Variants in LPAR6 observed in about 807,000 individuals in gnomAD.
The protein encoded by LPAR6 is G-protein coupled purinergic receptor P2Y5.
A neutral mutation model predicts 22.0 loss-of-function variants in LPAR6; 17 were observed. The ratio of observed to expected loss-of-function variants is 0.77; its 90% confidence interval spans 0.53 to 1.16. LPAR6 has a LOEUF of 1.16. Among genes scored for constraint, LPAR6 ranks in the 50% most tolerant of loss-of-function variants. LPAR6 has a pLI of 0.00. For missense variants in LPAR6, 384 were observed against 406.9 expected (o/e 0.94, Z 0.48); for synonymous variants, 136 against 139.8 (o/e 0.97, Z 0.19).
At chr13:48,400,253 T>C (rs1231416099) in intron 1 of LPAR6, among the ~76,000 whole-genome samples, 2 of 152,092 alleles carry the variant, frequency 1.3e-5, no homozygotes, top group African/African-American at 4.8e-5. Context: ...ATAGGTACTG[T>C]TAAAAGTGCT....
Position 48,411,574 on chromosome 13 carries a change from A to G in LPAR6, c.850T>C (p.Cys284Arg). The change falls in exon 1 of 1, where the codon TGT becomes CGT. Residue 284 changes from cysteine (C) to arginine (R), a missense_variant. Coordinates refer to ENST00000620633, the MANE Select transcript of LPAR6 (RefSeq NM_001162498.3). ...TAGTAAACTATAGGGTCAAAACAAC[A>G]GTTGGAAACAGCAATACAGAGAGTG... ...PITLCIAVSN[C>R]CFDPIVYYFT... The G allele has an allele frequency of 6.2e-7, 1 of 1,613,718 alleles. No homozygotes were observed. The highest frequency in any genetic ancestry group is 1.1e-5 in the South Asian group (1 of 91,074).
rs148182323 is a variant in LPAR6, at chr13:48,390,712, C to T, written n.115-900G>A. Among the ~76,000 whole-genome samples, 173 of 152,282 alleles carry T rather than the reference C, an allele frequency of 1.1e-3. 5 individuals carry two copies. The East Asian group carries it at 0.028, about 25-fold the overall frequency. ...CCTCTTTAATCATTATAAAATGACC[C>T]TCTCTTTATCCCTCGTAATATTGTT... On this transcript the variant is annotated intron_variant and non_coding_transcript_variant, in intron 1 of 1. Transcript: ENST00000462781.
downstream of LPAR6, among the ~76,000 whole-genome samples, chr13:48,408,242 T>C (rs1948757172): frequency 6.6e-6 from 1 of 151,928 alleles, no homozygotes; most frequent in Admixed American, 6.6e-5. Flanking sequence ...GTGTCTTCAG[T>C]TTAATTTTCT....
chr13:48,419,413 A>C (rs1438049765), intron 2 of LPAR6, among the ~76,000 whole-genome samples: 2 of 152,244 alleles, frequency 1.3e-5, no homozygotes, highest in Admixed American at 1.3e-4. Flanking sequence ...TTATAGCACT[A>C]AATGCCCACA....
intron 1 of LPAR6, among the ~76,000 whole-genome samples, chr13:48,437,455 C>T (rs1040877477): frequency 1.3e-5 from 2 of 152,144 alleles, no homozygotes; most frequent in Non-Finnish European, 1.5e-5. Context: ...TTCTGAAAGT[C>T]GGGAAACTGG....
chr13:48,429,988 A>G (rs1949113346), upstream of LPAR6, among the ~76,000 whole-genome samples: 1 of 152,176 alleles, frequency 6.6e-6, no homozygotes, highest in East Asian at 1.9e-4. Context: ...TCCAGTAAAA[A>G]TCTCAGTATG....
intron 1 of LPAR6, among the ~76,000 whole-genome samples, chr13:48,443,678 G>A (rs763663790): frequency 6.6e-6 from 1 of 152,166 alleles, no homozygotes; most frequent in African/African-American, 2.4e-5. Flanking sequence ...TGTCAGTTTA[G>A]TGTTCAGGGC....
chr13:48,391,943 A>G (rs900482428), intron 1 of LPAR6, among the ~76,000 whole-genome samples: 1 of 152,098 alleles, frequency 6.6e-6, no homozygotes, highest in African/African-American at 2.4e-5. Flanking sequence ...TCTTGTGTGC[A>G]TGTCTACTAG....
Position 48,412,207 on chromosome 13 carries a change from T to C in LPAR6, c.217A>G (p.Arg73Gly). ...DLLFVFTLPF[R>G]IFYFTTRNWP... ...TTCCGTGTTGTGAAGTAAAAAATCC[T>C]GAAGGGTAAAGTAAAAACAAAAAGC... is the stretch of plus-strand genomic sequence containing the variant. The change falls in exon 1 of 1, where the codon AGG becomes GGG. Residue 73 changes from arginine (R) to glycine (G), a missense_variant. Coordinates refer to ENST00000620633, the MANE Select transcript of LPAR6 (RefSeq NM_001162498.3). The C allele has an allele frequency of 6.2e-7, 1 of 1,613,962 alleles. No homozygotes were observed. Among genetic ancestry groups the C allele is most frequent in the Non-Finnish European group, 8.5e-7 (1 of 1,179,944 alleles).
downstream of LPAR6, chr13:48,408,529 A>G (rs2060356718): frequency 6.6e-6 from 1 of 152,114 alleles, no homozygotes; most frequent in African/African-American, 2.4e-5. Flanking sequence ...ATTTTCAGGT[A>G]ATCAAAAGTA....
chr13:48,410,847 AAT>A (rs1392665752), downstream of LPAR6, among the ~76,000 whole-genome samples: 2 of 152,292 alleles, frequency 1.3e-5, no homozygotes, highest in Admixed American at 6.5e-5. Context: ...CAACAATGTT[AAT>A]ATGTCATCAT....
intron 1 of LPAR6, among the ~76,000 whole-genome samples, chr13:48,396,170 A>G (rs1948646461): frequency 1.3e-5 from 2 of 152,206 alleles, no homozygotes; most frequent in East Asian, 3.8e-4. Context: ...TAGAACCTAA[A>G]AAGAGCCCAT....
chr13:48,398,879 A>G (rs1160325910), intron 1 of LPAR6, among the ~76,000 whole-genome samples: 2 of 152,234 alleles, frequency 1.3e-5, no homozygotes, highest in East Asian at 3.9e-4. Flanking sequence ...TGTTTTGCCT[A>G]GGAGCTAATA....
chr13:48,404,830 T>C (rs1379128039), intron 1 of LPAR6, among the ~76,000 whole-genome samples: 3 of 151,600 alleles, frequency 2.0e-5, no homozygotes, highest in South Asian at 2.1e-4. Context: ...CAGCAAAAAA[T>C]TCAGAATTCT....
chr13:48,434,130 T>C (rs924430033), intron 1 of LPAR6, among the ~76,000 whole-genome samples: 5 of 152,056 alleles, frequency 3.3e-5, no homozygotes, highest in African/African-American at 7.2e-5. Flanking sequence ...ATATTATAAA[T>C]TGAAACATTG....
chr13:48,411,585 G>A lies in LPAR6; in HGVS notation c.839C>T (p.Ala280Val), dbSNP rs773911743. ...RTMYPITLCI[A>V]VSNCCFDPIV... ...AGGGTCAAAACAACAGTTGGAAACAGCAATACAGAGAGTGATTGGGTACAT... is the reference window on the plus strand; with the variant it reads ...AGGGTCAAAACAACAGTTGGAAACAACAATACAGAGAGTGATTGGGTACAT... Residue 280 changes from alanine to valine, a missense_variant, in exon 1 of 1, where the codon GCT becomes GTT. Physicochemically the swap from Ala to Val is moderately conservative, Grantham distance 64. Coordinates refer to ENST00000620633, the MANE Select transcript of LPAR6 (RefSeq NM_001162498.3). 20 of 1,612,972 alleles carry A rather than the reference G, an allele frequency of 1.2e-5. No individual in the cohort carries two copies. Among genetic ancestry groups the A allele is most frequent in the Non-Finnish European group, 1.6e-5 (19 of 1,179,236 alleles).
intron 1 of LPAR6, among the ~76,000 whole-genome samples, chr13:48,397,123 G>T (rs920930737): frequency 6.6e-6 from 1 of 152,158 alleles, no homozygotes; most frequent in Admixed American, 6.5e-5. Context: ...AATAATATTT[G>T]ACCCAGTAAT....
At chr13:48,434,541 A>T (rs1460506360) in intron 1 of LPAR6, among the ~76,000 whole-genome samples, 1 of 151,966 alleles carries the variant, frequency 6.6e-6, no homozygotes, top group Non-Finnish European at 1.5e-5. Context: ...CACAAAAAAC[A>T]CCCTGGCCCA....
At chr13:48,434,151 ATTC>A (rs1381394059) in intron 1 of LPAR6, among the ~76,000 whole-genome samples, 1 of 152,054 alleles carries the variant, frequency 6.6e-6, no homozygotes, top group Non-Finnish European at 1.5e-5. Context: ...AAGTTTTAAA[ATTC>A]TTCTTCAATG....
Sources: allele counts gnomAD v4.1 joint callset (sites outside exome capture counted in the v4.1 genomes callset), GRCh38; gene constraint gnomAD v4.1.1; transcripts MANE v1.5; gene names NCBI Gene and HGNC (gene_info 2026-07-23, HGNC 2026-07-21).